The following TMEM117 variants were observed in gnomAD, a reference collection of about 807,000 sequenced individuals.
TMEM117 encodes the protein transmembrane protein 117.
In TMEM117, 27 loss-of-function variants were observed where a neutral mutation model predicts 52.4. The observed-to-expected ratio is 0.51, with a 90% CI of 0.38 to 0.71. The LOEUF (loss-of-function observed/expected upper bound fraction) is 0.71, where lower values mean the gene tolerates loss of function less well. Ranked by LOEUF, TMEM117 falls within the 30% of genes least tolerant of loss-of-function variation. The pLI is 0.00. For synonymous variants in TMEM117, 215 were observed against 206.3 expected (o/e 1.04, Z -0.36); for missense variants, 556 against 630.5 (o/e 0.88, Z 1.26).
rs140997610 is a variant in TMEM117, at chr12:44,142,337, C to T, written c.411-1188C>T. Among the ~76,000 whole-genome samples, 489 of 152,140 alleles carry T rather than the reference C, an allele frequency of 3.2e-3. 5 individuals carry two copies. The highest frequency in any genetic ancestry group is 0.011 in the African/African-American group (464 of 41,522). On this transcript the variant is annotated intron_variant, in intron 3 of 7. Coordinates refer to ENST00000266534, the MANE Select transcript of TMEM117 (RefSeq NM_032256.3). ...TCCTTAAAACACTTACAGAGAGCCT[C>T]CAAGGTAGGTGAATGAAGTCTGTTG...
chr12:44,376,848 T>A, intron 7 of TMEM117, 124 bp downstream of exon 7: 1 of 1,083,126 alleles, frequency 9.2e-7, no homozygotes. Flanking sequence ...CTCATTCACT[T>A]AACAGTGCAA....
intron 3 of TMEM117, among the ~76,000 whole-genome samples, chr12:44,119,487 A>G (rs1948198281): frequency 6.6e-6 from 1 of 152,206 alleles, no homozygotes; most frequent in Admixed American, 6.5e-5. Context: ...CATGAGCCCC[A>G]GCTTTGATCA....
chr12:43,889,360 G>A (rs1383525747), intron 2 of TMEM117, among the ~76,000 whole-genome samples: 1 of 152,224 alleles, frequency 6.6e-6, no homozygotes, highest in Non-Finnish European at 1.5e-5. Context: ...TGGGATTATA[G>A]GTGTGAGCCA....
At chr12:43,823,804 T>G in the TMEM117 span, among the ~76,000 whole-genome samples, 3 of 152,040 alleles carry the variant, frequency 2.0e-5, no homozygotes, top group African/African-American at 4.8e-5. Flanking sequence ...GCACTGGCCA[T>G]GAGTGTAATT....
chr12:43,902,131 C>G (rs1317335249), intron 2 of TMEM117, among the ~76,000 whole-genome samples: 2 of 152,174 alleles, frequency 1.3e-5, no homozygotes, highest in East Asian at 3.8e-4. Flanking sequence ...CAGAGTCACA[C>G]CTGACGGTGT....
chr12:44,223,182 C>T (rs1216858947), intron 5 of TMEM117, among the ~76,000 whole-genome samples: 1 of 151,942 alleles, frequency 6.6e-6, no homozygotes, highest in African/African-American at 2.4e-5. Flanking sequence ...GTTGTTTTTC[C>T]TGATCTCTCC....
intron 3 of TMEM117, among the ~76,000 whole-genome samples, chr12:43,986,543 C>T (rs1210523099): frequency 6.6e-6 from 1 of 152,136 alleles, no homozygotes; most frequent in African/African-American, 2.4e-5. Context: ...CTGCACTTCA[C>T]TACAGTACAT....
At chr12:44,282,289 T>C (rs982562443) in intron 5 of TMEM117, among the ~76,000 whole-genome samples, 2 of 152,156 alleles carry the variant, frequency 1.3e-5, no homozygotes, top group Admixed American at 6.5e-5. Flanking sequence ...GCTGAAAAGA[T>C]ACCCAAAAAT....
chr12:43,797,340 T>C, the TMEM117 span: 5 of 1,604,054 alleles, frequency 3.1e-6, no homozygotes, highest in Non-Finnish European at 3.4e-6. Flanking sequence ...GGAATGTTTA[T>C]ACAGAAAGAA....
chr12:44,004,598 G>T lies in TMEM117; in HGVS notation c.410+60256G>T, dbSNP rs78836705. Among the ~76,000 whole-genome samples, 305 of 152,138 alleles carry T rather than the reference G, an allele frequency of 2.0e-3. 5 individuals carry two copies. In the East Asian group the frequency reaches 0.036, roughly 18 times the overall value. ...TAATGAGATCTTTTCCTCCCAGATCGCTTCCTCCTCTTGGCTTAGCATTTT... is the reference window on the plus strand; with the variant it reads ...TAATGAGATCTTTTCCTCCCAGATCTCTTCCTCCTCTTGGCTTAGCATTTT... On this transcript the variant is annotated intron_variant, in intron 3 of 7. Coordinates refer to ENST00000266534, the MANE Select transcript of TMEM117 (RefSeq NM_032256.3).
intron 3 of TMEM117, among the ~76,000 whole-genome samples, chr12:44,090,554 G>A (rs1159581927): frequency 6.6e-6 from 1 of 151,346 alleles, no homozygotes; most frequent in Non-Finnish European, 1.5e-5. Flanking sequence ...CTACTGCCTC[G>A]GCCTCCCGAG....
intron 2 of TMEM117, among the ~76,000 whole-genome samples, chr12:43,937,143 T>A (rs544131455): frequency 6.6e-6 from 1 of 152,210 alleles, no homozygotes; most frequent in Admixed American, 6.5e-5. Flanking sequence ...TGAAGGTAGA[T>A]AAGTAGATGA....
In TMEM117 at chr12:44,271,959, C is replaced by T. The variant is rs1950451232; in HGVS notation, c.609-27621C>T. On this transcript the variant is annotated intron_variant, in intron 5 of 7. Transcript: ENST00000266534. ...TAGACATTTCTCAAAAGAAGACATA[C>T]AGAAATCCAACACATATGTGAAAAA... 2.0e-5 allele frequency among the ~76,000 whole-genome samples: 3 copies of T among 151,908 alleles called. No homozygotes were observed. The South Asian group carries it at 6.2e-4, about 31-fold the overall frequency.
At chr12:44,044,837 A>G (rs993722620) in intron 3 of TMEM117, among the ~76,000 whole-genome samples, 1 of 152,246 alleles carries the variant, frequency 6.6e-6, no homozygotes, top group Non-Finnish European at 1.5e-5. Flanking sequence ...TGCACTTTGC[A>G]TGAAAGGAGA....
chr12:43,931,990 T>C (rs1944878402), intron 2 of TMEM117, among the ~76,000 whole-genome samples: 2 of 152,194 alleles, frequency 1.3e-5, no homozygotes, highest in African/African-American at 4.8e-5. Context: ...GTTTGCTTAC[T>C]GGTACTCTTT....
intron 4 of TMEM117, among the ~76,000 whole-genome samples, chr12:44,169,957 G>T (rs1409099868): frequency 1.3e-5 from 2 of 152,004 alleles, no homozygotes; most frequent in African/African-American, 4.8e-5. Flanking sequence ...TATACCCAAA[G>T]GATTATAAAT....
At chr12:44,044,565 C>T (rs1945067576) in intron 3 of TMEM117, among the ~76,000 whole-genome samples, 1 of 152,176 alleles carries the variant, frequency 6.6e-6, no homozygotes, top group African/African-American at 2.4e-5. Flanking sequence ...GGAAGTGGCT[C>T]AAATGCCCAT....
the TMEM117 span, chr12:43,806,373 C>T: frequency 2.4e-6 from 3 of 1,227,820 alleles, no homozygotes; most frequent in Non-Finnish European, 2.0e-6. Flanking sequence ...GGCCGCCCCG[C>T]CCCGTGAGGT....
intron 2 of TMEM117, among the ~76,000 whole-genome samples, chr12:43,901,578 T>C (rs1944305982): frequency 1.3e-5 from 2 of 152,218 alleles, no homozygotes. Context: ...CCCAAATTGC[T>C]GGGATTACAG....
Sources: allele counts gnomAD v4.1 joint callset (sites outside exome capture counted in the v4.1 genomes callset), GRCh38; gene constraint gnomAD v4.1.1; transcripts MANE v1.5; gene names NCBI Gene and HGNC (gene_info 2026-07-23, HGNC 2026-07-21).